Variants in ITGA2 observed in about 807,000 individuals in gnomAD.
The protein encoded by ITGA2 is integrin subunit alpha 2, also known as integrin alpha-2.
Under a neutral mutation model 146.3 loss-of-function variants are expected in ITGA2, and 101 were observed. The observed-to-expected ratio is 0.69, with a 90% confidence interval of 0.59 to 0.81. The LOEUF is 0.81. Ranked by LOEUF, ITGA2 falls within the 40% of genes least tolerant of loss-of-function variation. ITGA2 has a pLI of 0.00. For synonymous variants in ITGA2, 477 were observed against 487.1 expected, an observed-to-expected ratio of 0.98 and a Z score of 0.27; for missense variants, 1,281 against 1,402.7, an observed-to-expected ratio of 0.91 and a Z score of 1.39.
chr5:53,078,004 C>T (rs1394123059), intron 23 of ITGA2, among the ~76,000 whole-genome samples: 1 of 152,040 alleles, frequency 6.6e-6, no homozygotes, highest in African/African-American at 2.4e-5. Flanking sequence ...CACCTCAGAG[C>T]CCCAGAAATG....
intron 3 of ITGA2, among the ~76,000 whole-genome samples, chr5:53,044,421 G>A (rs759300908): frequency 2.6e-5 from 4 of 151,660 alleles, no homozygotes; most frequent in Non-Finnish European, 5.9e-5. Flanking sequence ...CTGAATGATG[G>A]TATTACTAAA....
chr5:53,062,013 A>C (rs1047892823), intron 12 of ITGA2, among the ~76,000 whole-genome samples: 1 of 151,838 alleles, frequency 6.6e-6, no homozygotes, highest in African/African-American at 2.4e-5. Context: ...TTTCTTAGTC[A>C]TTTCTAAATC....
At chr5:53,076,156 C>T (rs1439424939) in intron 23 of ITGA2, among the ~76,000 whole-genome samples, 2 of 151,946 alleles carry the variant, frequency 1.3e-5, no homozygotes, top group African/African-American at 4.8e-5. Context: ...ACAGGTGATG[C>T]CCTCCTACAG....
At chr5:53,029,754 G>A (rs1341589970) in intron 2 of ITGA2, among the ~76,000 whole-genome samples, 1 of 152,202 alleles carries the variant, frequency 6.6e-6, no homozygotes, top group African/African-American at 2.4e-5. Context: ...CACACCCAGA[G>A]TGATATCTGG....
chr5:53,081,776 G>T lies in ITGA2; in HGVS notation c.3144+80G>T, dbSNP rs1745932935. ...TCAGGACGCTGCTTTTCTCCTACCA[G>T]CTGATATCATAGAGCTTTCTTATTT... On this transcript the variant is annotated intron_variant, in intron 26 of 29. Coordinates refer to ENST00000296585, the MANE Select transcript of ITGA2 (RefSeq NM_002203.4). The T allele has an allele frequency of 1.2e-5, 11 of 938,718 alleles. No individual in the cohort carries two copies. In the South Asian group the frequency reaches 1.6e-4, roughly 13 times the overall value. 58.1% of individuals were successfully genotyped at this position (938,718 alleles called of 1,614,324 possible).
At chr5:52,994,374 T>A (rs1425274712) in intron 1 of ITGA2, among the ~76,000 whole-genome samples, 1 of 152,198 alleles carries the variant, frequency 6.6e-6, no homozygotes, top group Non-Finnish European at 1.5e-5. Flanking sequence ...CTCTTCTGCA[T>A]AGCTAAAAAA....
In ITGA2 at chr5:53,026,731, C is replaced by G; in HGVS notation, c.65-17C>G. ...CATGAATTGTAAATATGTGCTATTT[C>G]ATATTTTTCTTAATAGGCATTTTAA... is the stretch of plus-strand genomic sequence containing the variant. On this transcript the variant is annotated splice_polypyrimidine_tract_variant and intron_variant, in intron 1 of 29. Coordinates refer to ENST00000296585, the MANE Select transcript of ITGA2 (RefSeq NM_002203.4). 1 of 1,600,294 alleles carries G rather than the reference C, an allele frequency of 6.2e-7. No homozygotes were observed. Among genetic ancestry groups the G allele is most frequent in the Non-Finnish European group, 8.6e-7 (1 of 1,167,720 alleles).
intron 24 of ITGA2, among the ~76,000 whole-genome samples, chr5:53,079,770 T>C (rs1745828589): frequency 6.6e-6 from 1 of 152,046 alleles, no homozygotes; most frequent in Non-Finnish European, 1.5e-5. Context: ...ATAACATTCA[T>C]AGAGTGTGTA....
Position 53,091,838 on chromosome 5 carries a change from C to A in ITGA2, c.*1239C>A, listed in dbSNP as rs779071657. On this transcript the variant is annotated 3_prime_UTR_variant, in exon 30 of 30. Coordinates refer to ENST00000296585, the MANE Select transcript of ITGA2 (RefSeq NM_002203.4). The stretch of plus-strand genomic sequence containing the variant: ...ATGTTGGAATGTTATGGGATGTAAA[C>A]AATGTAAAGTAAGACATCTCAGGAT... The A allele has an allele frequency of 3.3e-5, 5 of 152,094 alleles. No individual in the cohort carries two copies. The highest frequency in any genetic ancestry group is 6.5e-5 in the Admixed American group (1 of 15,272). 9.4% of individuals were successfully genotyped at this position (152,094 alleles called of 1,614,324 possible).
intron 1 of ITGA2, among the ~76,000 whole-genome samples, chr5:53,021,812 T>C (rs1387500911): frequency 3.3e-5 from 5 of 152,184 alleles, no homozygotes; most frequent in African/African-American, 9.7e-5. Flanking sequence ...ATGGGCCAAA[T>C]TGCAATCTGA....
intron 27 of ITGA2, among the ~76,000 whole-genome samples, chr5:53,084,920 CA>C (rs1746087945): frequency 6.6e-6 from 1 of 152,164 alleles, no homozygotes; most frequent in South Asian, 2.1e-4. Flanking sequence ...TCTTCAGAAG[CA>C]GTTTATTTCT....
Position 53,071,995 on chromosome 5 carries a change from C to T in ITGA2, c.2293C>T (p.Pro765Ser). ...DLRVDISLEN[P>S]GTSPALEAYS... ...GCGTGTGGACATCAGTCTGGAAAAC[C>T]CTGGCACTAGCCCTGCCCTTGAAGC... The change falls in exon 18 of 30, where the codon CCT (proline) becomes TCT (serine). Residue 765 changes from proline to serine, a missense_variant. Pro to Ser is a moderately conservative substitution (Grantham distance 74, BLOSUM62 -1). Coordinates refer to ENST00000296585, the MANE Select transcript of ITGA2 (RefSeq NM_002203.4). The T allele has an allele frequency of 2.5e-6, 4 of 1,612,310 alleles. No homozygotes were observed. The highest frequency in any genetic ancestry group is 1.3e-5 in the African/African-American group (1 of 74,906).
chr5:53,026,793 C>G lies in ITGA2; in HGVS notation c.110C>G (p.Ala37Gly), dbSNP rs1561100838. The G allele has an allele frequency of 5.6e-6, 9 of 1,613,116 alleles. No homozygotes were observed. Among genetic ancestry groups the G allele is most frequent in the Non-Finnish European group, 6.8e-6 (8 of 1,179,292 alleles). The part of the protein sequence containing the change: ...CLAYNVGLPE[A>G]KIFSGPSSEQ... ...GCCTACAATGTTGGTCTCCCAGAAGCAAAAATATTTTCCGGTCCTTCAAGT... is the reference window on the plus strand; with the variant it reads ...GCCTACAATGTTGGTCTCCCAGAAGGAAAAATATTTTCCGGTCCTTCAAGT... The change falls in exon 2 of 30, where the codon GCA (alanine) becomes GGA (glycine). Residue 37 changes from alanine to glycine, a missense_variant. Transcript: ENST00000296585.
At chr5:52,991,379 A>G (rs1740945351) in intron 1 of ITGA2, among the ~76,000 whole-genome samples, 1 of 152,138 alleles carries the variant, frequency 6.6e-6, no homozygotes, top group Non-Finnish European at 1.5e-5. Flanking sequence ...TTTGTATGGC[A>G]TTACCCTATC....
chr5:53,004,903 T>G (rs1309573448), intron 1 of ITGA2, among the ~76,000 whole-genome samples: 6 of 17,012 alleles, frequency 3.5e-4, no homozygotes, highest in African/African-American at 5.2e-4. Flanking sequence ...TGTTTTTTTT[T>G]TTTTTTTTTT....
Position 53,090,922 on chromosome 5 carries a change from C to A in ITGA2, c.*323C>A, listed in dbSNP as rs1049981655. 5 of 546,186 alleles carry A rather than the reference C, an allele frequency of 9.2e-6. No individual in the cohort carries two copies. The highest frequency in any genetic ancestry group is 1.6e-5 in the Non-Finnish European group (5 of 309,652). The allele number at this position is 546,186 out of a possible 1,614,324, so 33.8% of individuals were successfully genotyped here. A position where few individuals can be genotyped will look rare whatever the true frequency, so the allele number is the denominator to read the frequency against. On this transcript the variant is annotated 3_prime_UTR_variant, in exon 30 of 30. Transcript: ENST00000296585. The stretch of plus-strand genomic sequence containing the variant: ...AAACATGAAATGCTTCCAAGCATGA[C>A]AACTTTTAAAGAAAAATATGATACT...
chr5:53,024,774 T>A (rs1742860698), intron 1 of ITGA2, among the ~76,000 whole-genome samples: 1 of 152,174 alleles, frequency 6.6e-6, no homozygotes, highest in Admixed American at 6.5e-5. Flanking sequence ...TGAGTGTGGC[T>A]GGAACACAGG....
chr5:53,048,406 A>G lies in ITGA2; in HGVS notation c.431A>G (p.Tyr144Cys). Residue 144 changes from tyrosine (Y) to cysteine (C), a missense_variant, in exon 5 of 30, where the codon TAC becomes TGC. Around this residue, in one of 3 missense-constraint regions of ITGA2, gnomAD observed 795 missense variants for 841.7 expected, o/e 0.94. Coordinates refer to ENST00000296585, the MANE Select transcript of ITGA2 (RefSeq NM_002203.4). The part of the protein sequence containing the change: ...LWAQQCGNQY[Y>C]TTGVCSDISP... ...GCACAGCAATGTGGGAATCAGTATT[A>G]CACAACGGGTGTGTGTTCTGACATC... 1 of 1,614,148 alleles carries G rather than the reference A, an allele frequency of 6.2e-7. No homozygotes were observed. The highest frequency in any genetic ancestry group is 8.5e-7 in the Non-Finnish European group (1 of 1,180,000).
chr5:53,063,314 G>A (rs1744986832), intron 13 of ITGA2, among the ~76,000 whole-genome samples: 1 of 151,844 alleles, frequency 6.6e-6, no homozygotes, highest in Non-Finnish European at 1.5e-5. Flanking sequence ...CTTGTTATCA[G>A]TTGACAGTGA....
Sources: gnomAD v4.1 joint callset for allele counts (sites outside exome capture counted in the v4.1 genomes callset) on GRCh38, gnomAD v4.1.1 for gene constraint, gnomAD v4.1.1 regional missense constraint, MANE v1.5 for transcripts, NCBI Gene and HGNC (gene_info 2026-07-23, HGNC 2026-07-21) for gene names.